NINL: variants seen among roughly 807,000 people sequenced by gnomAD.
The protein encoded by NINL is ninein like, also known as ninein-like protein.
A neutral mutation model predicts 160.3 loss-of-function variants in NINL; 153 were observed. The observed-to-expected ratio is 0.95, with a 90% CI of 0.84 to 1.09. The LOEUF is 1.09. Among genes scored for constraint, NINL ranks in the 50% least tolerant of loss-of-function variants. The probability of loss-of-function intolerance (pLI) is 0.00; values close to 1 mark genes in which losing one functional copy is unlikely to be tolerated. For missense variants in NINL, 1,829 were observed against 1,764.0 expected (o/e 1.04, Z -0.66); for synonymous variants, 800 against 734.8 (o/e 1.09, Z -1.43).
chr20:25,476,516 A>G lies in NINL; in HGVS notation c.2775T>C (p.Pro925=). 6.2e-7 allele frequency: 1 copy of G among 1,602,006 alleles called. No individual in the cohort carries two copies. ...CCAGCCCCGCTGCGCTCGCGCCGAA[A>G]GGCTCTGGCTCCTTTGGGACAATAT... ...DGDIVPKEPE[P]FGASAAGLEQ... The change falls in exon 17 of 24, where the codon CCT becomes CCC. Residue 925 remains proline (P), a synonymous_variant. Transcript: ENST00000278886.
intron 16 of NINL, 139 bp from the exon 17 acceptor site, chr20:25,477,228 G>T: frequency 1.2e-6 from 1 of 809,950 alleles, no homozygotes; most frequent in Non-Finnish European, 1.9e-6. Flanking sequence ...GCCTCCCTCA[G>T]CCCTGGCTTC....
At position 25,458,643 on chromosome 20, in the gene NINL, C is replaced by T. The variant is rs2090756939; in HGVS notation, c.3697-114G>A. 13 of 1,103,058 alleles carry T rather than the reference C, an allele frequency of 1.2e-5. No individual in the cohort carries two copies. In the East Asian group the frequency reaches 2.1e-4, roughly 18 times the overall value. 68.3% of individuals were successfully genotyped at this position (1,103,058 alleles called of 1,614,324 possible). A position where few individuals can be genotyped will look rare whatever the true frequency, so the allele number is the denominator to read the frequency against. ...CAAGGGCAAGGAAAGCGTGTGCTCC[C>T]GAGTATGCAGCAGCACCTGAATATT... On this transcript the variant is annotated intron_variant, in intron 21 of 23. Transcript: ENST00000278886.
At chr20:25,470,226 A>T in intron 17 of NINL, 131 bp from the exon 18 acceptor site, 2 of 697,404 alleles carry the variant, frequency 2.9e-6, no homozygotes, top group South Asian at 3.3e-5. Flanking sequence ...GGCGCCAGAC[A>T]CCATTCCTTT....
chr20:25,477,170 C>A, intron 16 of NINL, 81 bp from the exon 17 acceptor site: 1 of 1,331,952 alleles, frequency 7.5e-7, no homozygotes, highest in Non-Finnish European at 1.0e-6. Context: ...CCAGCTGTTG[C>A]AACGGCTGCG....
intron 1 of NINL, 81 bp from the exon 2 acceptor site, chr20:25,526,679 G>A (rs746512471): frequency 4.3e-5 from 61 of 1,414,444 alleles, no homozygotes; most frequent in African/African-American, 2.1e-4. Flanking sequence ...GGTGAGCACC[G>A]AGCTACATGG....
intron 2 of NINL, among the ~76,000 whole-genome samples, chr20:25,518,283 G>GC (rs561481657): frequency 3.2e-4 from 49 of 152,290 alleles, no homozygotes; most frequent in African/African-American, 1.2e-3. Flanking sequence ...TTGCATGCAT[G>GC]CCTAAAGCTT....
At chr20:25,530,412 C>G (rs912166620) in intron 1 of NINL, among the ~76,000 whole-genome samples, 1 of 152,092 alleles carries the variant, frequency 6.6e-6, no homozygotes, top group Non-Finnish European at 1.5e-5. Flanking sequence ...CATCATGTAT[C>G]TAAGTATTCT....
At chr20:25,480,985 C>T (rs2063376297) in intron 14 of NINL, among the ~76,000 whole-genome samples, 1 of 152,136 alleles carries the variant, frequency 6.6e-6, no homozygotes, top group South Asian at 2.1e-4. Flanking sequence ...GGTGGCGCCT[C>T]AGGAGCCTGA....
At chr20:25,573,157 C>T (rs2147178688) in intron 1 of NINL, among the ~76,000 whole-genome samples, 1 of 152,082 alleles carries the variant, frequency 6.6e-6, no homozygotes, top group African/African-American at 2.4e-5. Flanking sequence ...ATTAGCTGGG[C>T]ATGGTGGCAC....
At position 25,512,997 on chromosome 20, in the gene NINL, C is replaced by A. The variant is rs1477646611; in HGVS notation, c.287G>T (p.Ser96Ile). 3.1e-6 allele frequency: 5 copies of A among 1,594,872 alleles called. No homozygotes were observed. In the African/African-American group the frequency reaches 6.7e-5, roughly 21 times the overall value. ...ATTCACATACTTTGGAGGGATGGCA[C>A]TGGAGGCAGCTGGAAAGGAAACAGG... The part of the protein sequence containing the change: ...DSSSLESAAS[S>I]AIPPKYVNGS... The change falls in exon 4 of 24, where the codon AGT becomes ATT. Residue 96 changes from serine (S) to isoleucine (I), a missense_variant. Transcript: ENST00000278886.
At chr20:25,585,297 T>TG (rs1213264318) in intron 1 of NINL, among the ~76,000 whole-genome samples, 158 bp downstream of exon 1, 1 of 152,134 alleles carries the variant, frequency 6.6e-6, no homozygotes, top group Non-Finnish European at 1.5e-5. Flanking sequence ...CCACAGCAGA[T>TG]GCGCCGAGTC....
intron 2 of NINL, among the ~76,000 whole-genome samples, chr20:25,521,351 AT>A (rs1468012388): frequency 6.6e-6 from 1 of 152,242 alleles, no homozygotes; most frequent in Non-Finnish European, 1.5e-5. Context: ...CTCTAAAAAA[AT>A]CTCTAATATA....
intron 18 of NINL, among the ~76,000 whole-genome samples, chr20:25,467,680 T>TTAGGA (rs1176388892): frequency 1.3e-5 from 2 of 152,154 alleles, no homozygotes; most frequent in African/African-American, 4.8e-5. Flanking sequence ...CACGAAGACT[T>TTAGGA]TAGGAATGTG....
intron 5 of NINL, among the ~76,000 whole-genome samples, chr20:25,505,743 T>C (rs916348814): frequency 2.0e-5 from 3 of 152,094 alleles, no homozygotes; most frequent in South Asian, 2.1e-4. Context: ...GATGGACAGA[T>C]AGCAGGATGG....
Position 25,496,696 on chromosome 20 carries a change from G to C in NINL, c.1277C>G (p.Ser426Cys), listed in dbSNP as rs751205578. ...EFVKEMDDCHSTLEQLTEKKI... is the reference protein window; with the variant it reads ...EFVKEMDDCHCTLEQLTEKKI... Reference sequence around the variant, plus strand: ...CTTCTCCGTGAGCTGCTCCAGGGTGGAGTGGCAGTCGTCCATCTCTTTCAC... The same window carrying C: ...CTTCTCCGTGAGCTGCTCCAGGGTGCAGTGGCAGTCGTCCATCTCTTTCAC... The change falls in exon 10 of 24, where the codon TCC becomes TGC. Residue 426 changes from serine to cysteine, a missense_variant. Ser to Cys is a moderately radical substitution (Grantham distance 112). Coordinates refer to ENST00000278886, the MANE Select transcript of NINL (RefSeq NM_025176.6). 2.5e-6 allele frequency: 4 copies of C among 1,613,980 alleles called. No homozygotes were observed. The highest frequency in any genetic ancestry group is 4.5e-5 in the East Asian group (2 of 44,884).
chr20:25,552,918 G>C (rs1247428600), intron 1 of NINL, among the ~76,000 whole-genome samples: 7 of 152,186 alleles, frequency 4.6e-5, no homozygotes, highest in Admixed American at 4.6e-4. Context: ...GGTCTGGCTA[G>C]AATCAAAGAA....
chr20:25,456,449 G>A (rs2090682843), intron 22 of NINL, among the ~76,000 whole-genome samples: 1 of 151,644 alleles, frequency 6.6e-6, no homozygotes, highest in Admixed American at 6.6e-5. Flanking sequence ...TCGGGAGGCC[G>A]AGGCAGAATA....
At chr20:25,571,796 A>G (rs1407737164) in intron 1 of NINL, among the ~76,000 whole-genome samples, 1 of 130,238 alleles carries the variant, frequency 7.7e-6, no homozygotes, top group African/African-American at 2.8e-5. Context: ...GAATCCTGGG[A>G]GGCAAAGGTT....
At chr20:25,581,738 G>C (rs574474655) in intron 1 of NINL, among the ~76,000 whole-genome samples, 1 of 152,274 alleles carries the variant, frequency 6.6e-6, no homozygotes, top group East Asian at 1.9e-4. Context: ...ACTGTAAAAG[G>C]GGAAGCTACA....
Sources: gnomAD v4.1 joint callset for allele counts (sites outside exome capture counted in the v4.1 genomes callset) on GRCh38, gnomAD v4.1.1 for gene constraint, MANE v1.5 for transcripts, NCBI Gene and HGNC (gene_info 2026-07-23, HGNC 2026-07-21) for gene names.